CALN1: variants seen among roughly 807,000 people sequenced by gnomAD.
CALN1 encodes calneuron 1.
CALN1 carries 17 observed loss-of-function variants against 30.6 expected under a neutral mutation model. That is an observed-to-expected ratio of 0.56 (90% confidence interval 0.38 to 0.83). The LOEUF (loss-of-function observed/expected upper bound fraction) is 0.83. Ranked by LOEUF, CALN1 falls within the 40% of genes least tolerant of loss-of-function variation. The probability of loss-of-function intolerance (pLI) is 0.00; values close to 1 mark genes in which losing one functional copy is unlikely to be tolerated. For synonymous variants in CALN1, 156 were observed against 131.4 expected (o/e 1.19, Z -1.28); for missense variants, 291 against 354.9 (o/e 0.82, Z 1.45).
At chr7:72,093,146 T>C (rs967488863) in intron 4 of CALN1, among the ~76,000 whole-genome samples, 1 of 152,196 alleles carries the variant, frequency 6.6e-6, no homozygotes, top group Non-Finnish European at 1.5e-5. Context: ...TCTCACATAC[T>C]AGTTAAAGCA....
intron 1 of CALN1, among the ~76,000 whole-genome samples, chr7:72,430,490 T>C (rs1807939354): frequency 6.6e-6 from 1 of 152,144 alleles, no homozygotes; most frequent in East Asian, 1.9e-4. Flanking sequence ...TTAAGTGTTT[T>C]CTGGATAAAC....
intron 5 of CALN1, among the ~76,000 whole-genome samples, chr7:71,876,577 C>T (rs538533067): frequency 3.5e-4 from 53 of 152,244 alleles, no homozygotes; most frequent in Non-Finnish European, 6.5e-4. Flanking sequence ...GGGTATAGAG[C>T]TAACTTTTAT....
At chr7:72,278,008 C>CGGGGCG (rs1797454502) in intron 3 of CALN1, among the ~76,000 whole-genome samples, 1 of 49,100 alleles carries the variant, frequency 2.0e-5, no homozygotes, top group African/African-American at 7.8e-5. Context: ...TCCTCTATTC[C>CGGGGCG]GGGGGGGGGG....
chr7:72,119,980 A>AG (rs1452322604), intron 3 of CALN1, among the ~76,000 whole-genome samples: 2 of 152,106 alleles, frequency 1.3e-5, no homozygotes, highest in Non-Finnish European at 2.9e-5. Context: ...CTTTAGATTC[A>AG]GGGGGTACAT....
chr7:72,462,235 G>A, the CALN1 span, among the ~76,000 whole-genome samples: 17 of 152,050 alleles, frequency 1.1e-4, no homozygotes, highest in Non-Finnish European at 1.9e-4. Flanking sequence ...AGGCTGGAGT[G>A]CAATAATGCA....
At chr7:71,870,214 C>T (rs1791841527) in intron 5 of CALN1, among the ~76,000 whole-genome samples, 1 of 152,144 alleles carries the variant, frequency 6.6e-6, no homozygotes, top group African/African-American at 2.4e-5. Flanking sequence ...GAAACCCCGT[C>T]TCTACTAAGA....
At chr7:71,950,489 C>A (rs1162444675) in intron 5 of CALN1, among the ~76,000 whole-genome samples, 1 of 152,108 alleles carries the variant, frequency 6.6e-6, no homozygotes, top group African/African-American at 2.4e-5. Context: ...TATGACCAAT[C>A]CATCACCACG....
chr7:72,040,140 G>A (rs1399331033), intron 4 of CALN1, among the ~76,000 whole-genome samples: 1 of 152,124 alleles, frequency 6.6e-6, no homozygotes, highest in Non-Finnish European at 1.5e-5. Flanking sequence ...TATTTCCCAA[G>A]GAAATTCTTT....
chr7:72,501,457 AAGG>A, the CALN1 span, among the ~76,000 whole-genome samples: 21 of 138,518 alleles, frequency 1.5e-4, no homozygotes, highest in African/African-American at 2.2e-4. Context: ...GAAGAGGAAA[AAGG>A]AGGAGGAGGA....
rs557707634 is a variant in CALN1 at position 71,941,184 on chromosome 7, T to TA, written c.501+82472dup. On this transcript the variant is annotated intron_variant, in intron 5 of 6. Coordinates refer to ENST00000395275, the MANE Select transcript of CALN1 (RefSeq NM_031468.4). ...CAACATGGTGAAAACCCATCTCTAC[T>TA]AAAAAAAATACAAAAATTAGCTGGG... is the stretch of plus-strand genomic sequence containing the variant. Among the ~76,000 whole-genome samples, 32 of 149,860 alleles carry TA rather than the reference T, an allele frequency of 2.1e-4. No homozygotes were observed. The East Asian group carries it at 4.8e-3, about 23-fold the overall frequency.
At chr7:71,864,794 G>T (rs146157796) in intron 5 of CALN1, among the ~76,000 whole-genome samples, 2,688 of 152,264 alleles carry the variant, frequency 0.018, 79 homozygotes, top group East Asian at 0.11. Context: ...TTGAGGTCAG[G>T]AGTTTGAGAC....
At chr7:71,976,504 C>A (rs564299718) in intron 5 of CALN1, among the ~76,000 whole-genome samples, 2 of 152,276 alleles carry the variant, frequency 1.3e-5, no homozygotes, top group South Asian at 4.1e-4. Context: ...GGAACCCTAG[C>A]CTAGGTTCTG....
chr7:72,396,103 A>C (rs915948371), intron 2 of CALN1, among the ~76,000 whole-genome samples: 3 of 151,884 alleles, frequency 2.0e-5, no homozygotes, highest in Non-Finnish European at 2.9e-5. Flanking sequence ...AGGCGAGATT[A>C]AGAAGGAAGT....
chr7:72,496,068 G>A, the CALN1 span, among the ~76,000 whole-genome samples: 1 of 152,110 alleles, frequency 6.6e-6, no homozygotes, highest in East Asian at 1.9e-4. Context: ...CTACAGGCAT[G>A]CATCACCATG....
intron 3 of CALN1, among the ~76,000 whole-genome samples, chr7:72,150,538 CAT>C (rs1787151848): frequency 6.6e-6 from 1 of 152,218 alleles, no homozygotes; most frequent in South Asian, 2.1e-4. Flanking sequence ...GGCTGAGACT[CAT>C]ATAGAAAAGG....
chr7:72,161,068 G>A (rs144214447), intron 3 of CALN1, among the ~76,000 whole-genome samples: 1 of 152,256 alleles, frequency 6.6e-6, no homozygotes, highest in African/African-American at 2.4e-5. Context: ...GACAGAGCTG[G>A]GTCCCTCCAT....
intron 1 of CALN1, among the ~76,000 whole-genome samples, chr7:72,408,434 G>A (rs1398458148): frequency 6.6e-6 from 1 of 151,878 alleles, no homozygotes. Context: ...AACAGACTCG[G>A]TCTCAGAAAA....
At chr7:72,022,920 TAA>T (rs3065006) in intron 5 of CALN1, among the ~76,000 whole-genome samples, 20,822 of 125,702 alleles carry the variant, frequency 0.17, 2,312 homozygotes, top group East Asian at 0.38. Flanking sequence ...TAAATAAAAT[TAA>T]AAAAAAAAAA....
At chr7:72,071,778 CA>C (rs1804411666) in intron 4 of CALN1, among the ~76,000 whole-genome samples, 1 of 152,078 alleles carries the variant, frequency 6.6e-6, no homozygotes, top group African/African-American at 2.4e-5. Flanking sequence ...AATAAATCAA[CA>C]AAAACTGTCT....
Sources: allele counts gnomAD v4.1 joint callset (sites outside exome capture counted in the v4.1 genomes callset), GRCh38; gene constraint gnomAD v4.1.1; transcripts MANE v1.5; gene names NCBI Gene and HGNC (gene_info 2026-07-23, HGNC 2026-07-21).